Variants in RBM25 observed in about 807,000 individuals in gnomAD.
The protein encoded by RBM25 is RNA binding motif protein 25.
RBM25 carries 19 observed loss-of-function variants against 120.7 expected under a neutral mutation model. That is an observed-to-expected ratio of 0.16 (90% CI 0.11 to 0.23). The LOEUF (loss-of-function observed/expected upper bound fraction) is 0.23, where lower values mean the gene tolerates loss of function less well. Ranked by LOEUF, RBM25 falls within the 10% of genes least tolerant of loss-of-function variation. RBM25 has a pLI of 1.00. For missense variants in RBM25, 605 were observed against 1,041.5 expected (o/e 0.58, Z 5.77); for synonymous variants, 390 against 326.7 (o/e 1.19, Z -2.09).
At chr14:73,081,258 C>G (rs1243434354) in intron 4 of RBM25, among the ~76,000 whole-genome samples, 1 of 152,200 alleles carries the variant, frequency 6.6e-6, no homozygotes, top group Non-Finnish European at 1.5e-5. Flanking sequence ...CTGCCTCAGC[C>G]TCCCAAGTAG....
At chr14:73,101,567 G>A (rs1896057644) in intron 9 of RBM25, 1 of 150,330 alleles carries the variant, frequency 6.7e-6, no homozygotes, top group Non-Finnish European at 1.5e-5. Flanking sequence ...ATTTAGTATG[G>A]ACTAGATTCA....
chr14:73,105,660 A>G (rs572339085), intron 10 of RBM25, among the ~76,000 whole-genome samples, 199 bp from the exon 11 acceptor site: 2 of 152,340 alleles, frequency 1.3e-5, no homozygotes, highest in Non-Finnish European at 2.9e-5. Context: ...AGGTATTAGA[A>G]TGCATTTTAG....
At chr14:73,060,693 A>G (rs1262550097) in intron 1 of RBM25, among the ~76,000 whole-genome samples, 1 of 151,510 alleles carries the variant, frequency 6.6e-6, no homozygotes, top group Non-Finnish European at 1.5e-5. Context: ...ACAAAATTCC[A>G]CTACCCAGAA....
At position 73,121,557 on chromosome 14, in the gene RBM25, G is replaced by A. The variant is rs1160270169; in HGVS notation, c.*1752G>A. On this transcript the variant is annotated 3_prime_UTR_variant, in exon 19 of 19. Coordinates refer to ENST00000261973, the MANE Select transcript of RBM25 (RefSeq NM_021239.3). ...CTCAACGGAAAATTTCAGAAAAGAT[G>A]CCCCTTGCCATTTTCGTTAATTTTT... The A allele has an allele frequency of 6.6e-6, 1 of 152,084 alleles. No individual in the cohort carries two copies. Among genetic ancestry groups the A allele is most frequent in the Non-Finnish European group, 1.5e-5 (1 of 67,996 alleles). 9.4% of individuals were successfully genotyped at this position (152,084 alleles called of 1,614,324 possible). A position where few individuals can be genotyped will look rare whatever the true frequency, so the allele number is the denominator to read the frequency against.
intron 1 of RBM25, 22 bp downstream of exon 1, chr14:73,058,727 C>G (rs1378384560): frequency 6.7e-6 from 1 of 150,028 alleles, no homozygotes; most frequent in Non-Finnish European, 1.5e-5. Flanking sequence ...TCTCTGAACG[C>G]GTGTGGAAAC....
At chr14:73,076,168 T>C (rs1895416981) in intron 2 of RBM25, 151 bp from the exon 3 acceptor site, 2 of 680,116 alleles carry the variant, frequency 2.9e-6, no homozygotes, top group Non-Finnish European at 4.9e-6. Context: ...CCACATTCCT[T>C]TTGAAAATAA....
intron 1 of RBM25, among the ~76,000 whole-genome samples, chr14:73,059,012 C>A (rs959427956): frequency 1.3e-5 from 2 of 152,104 alleles, no homozygotes; most frequent in African/African-American, 4.8e-5. Context: ...GTCTCTGCCC[C>A]CCCTGGGCTC....
At chr14:73,080,646 CATGTT>C (rs1215978883) in intron 4 of RBM25, among the ~76,000 whole-genome samples, 1 of 152,054 alleles carries the variant, frequency 6.6e-6, no homozygotes, top group Non-Finnish European at 1.5e-5. Context: ...TATCTGTTGA[CATGTT>C]ATGGTAGCTT....
chr14:73,094,656 C>T (rs563834291), intron 6 of RBM25, among the ~76,000 whole-genome samples: 5 of 152,256 alleles, frequency 3.3e-5, no homozygotes, highest in African/African-American at 9.6e-5. Context: ...TGGTCTCCAT[C>T]TCCTGACTTA....
intron 1 of RBM25, among the ~76,000 whole-genome samples, chr14:73,060,189 C>G (rs1187810412): frequency 2.6e-5 from 4 of 151,470 alleles, no homozygotes; most frequent in African/African-American, 7.3e-5. Flanking sequence ...CAGGCGCGCG[C>G]CACCACGCCC....
chr14:73,096,420 C>T (rs527452493), intron 6 of RBM25, among the ~76,000 whole-genome samples: 3 of 152,228 alleles, frequency 2.0e-5, no homozygotes, highest in Admixed American at 2.0e-4. Context: ...ATTACAGCCC[C>T]TAAACTCCCG....
chr14:73,096,348 A>G (rs1175208981), intron 6 of RBM25, among the ~76,000 whole-genome samples: 2 of 152,188 alleles, frequency 1.3e-5, no homozygotes, highest in Non-Finnish European at 2.9e-5. Context: ...TATGGTTTCT[A>G]TAAGTGGTAT....
At chr14:73,111,327 A>T in intron 15 of RBM25, 172 bp downstream of exon 15, 1 of 824,330 alleles carries the variant, frequency 1.2e-6, no homozygotes, top group South Asian at 1.9e-5. Context: ...GTGCTCCTAT[A>T]TCTGCAGCTG....
At chr14:73,099,811 G>A (rs780424016) in intron 9 of RBM25, 61 bp downstream of exon 9, 14 of 1,512,622 alleles carry the variant, frequency 9.3e-6, no homozygotes, top group Middle Eastern at 1.8e-4. Flanking sequence ...CCAAAGCAAA[G>A]AGACAAAAAA....
rs1274832502 is a variant in RBM25 at position 73,122,899 on chromosome 14, T to C, written c.*3094T>C. On this transcript the variant is annotated 3_prime_UTR_variant, in exon 19 of 19. Transcript: ENST00000261973. ...GTGTCTATTCAGTATTATTTTATCC[T>C]AACAGACTACATAAATGCAGCTGAA... 2.6e-5 allele frequency: 4 copies of C among 152,214 alleles called. No individual in the cohort carries two copies. Among genetic ancestry groups the C allele is most frequent in the African/African-American group, 9.6e-5 (4 of 41,468 alleles). The allele number at this position is 152,214 out of a possible 1,614,324, so 9.4% of individuals were successfully genotyped here.
intron 2 of RBM25, among the ~76,000 whole-genome samples, chr14:73,075,175 T>A (rs553465145): frequency 1.3e-5 from 2 of 152,164 alleles, no homozygotes; most frequent in East Asian, 1.9e-4. Context: ...TTATTTATTT[T>A]TTTGGTACAG....
intron 10 of RBM25, among the ~76,000 whole-genome samples, chr14:73,103,958 A>T (rs982813389): frequency 1.1e-4 from 12 of 107,770 alleles, no homozygotes; most frequent in South Asian, 3.1e-4. Flanking sequence ...TCACACACAC[A>T]CACACACACA....
intron 17 of RBM25, among the ~76,000 whole-genome samples, chr14:73,113,820 G>A (rs1016114464): frequency 6.6e-6 from 1 of 152,184 alleles, no homozygotes; most frequent in African/African-American, 2.4e-5. Context: ...TCTTGGCTAT[G>A]TTTTATACTG....
At chr14:73,068,122 A>C in intron 1 of RBM25, 1 of 756,680 alleles carries the variant, frequency 1.3e-6, no homozygotes, top group South Asian at 1.4e-5. Context: ...TCACAGACAG[A>C]ACTGGAAGGT....
Sources: gnomAD v4.1 joint callset for allele counts (sites outside exome capture counted in the v4.1 genomes callset) on GRCh38, gnomAD v4.1.1 for gene constraint, MANE v1.5 for transcripts, NCBI Gene and HGNC (gene_info 2026-07-23, HGNC 2026-07-21) for gene names.